DLGAP4: variants seen among roughly 807,000 people sequenced by gnomAD.
DLGAP4 encodes the protein DLG associated protein 4.
A neutral mutation model predicts 86.9 loss-of-function variants in DLGAP4; 18 were observed. The observed-to-expected ratio is 0.21, with a 90% CI of 0.14 to 0.31. DLGAP4 has a LOEUF of 0.31. DLGAP4 is among the 10% of genes least tolerant of loss of function. The probability of loss-of-function intolerance (pLI) is 1.00; values close to 1 mark genes in which losing one functional copy is unlikely to be tolerated. For missense variants in DLGAP4, 1,085 were observed against 1,362.6 expected (o/e 0.80, Z 3.21); for synonymous variants, 548 against 574.3 (o/e 0.95, Z 0.65).
chr20:36,398,155 G>A (rs2032054317), intron 2 of DLGAP4, among the ~76,000 whole-genome samples: 2 of 152,202 alleles, frequency 1.3e-5, no homozygotes, highest in South Asian at 2.1e-4. Context: ...GAAAAAACAC[G>A]TATTTGCTAA....
chr20:36,415,865 AG>A (rs2032638565), intron 2 of DLGAP4, among the ~76,000 whole-genome samples: 1 of 152,046 alleles, frequency 6.6e-6, no homozygotes, highest in South Asian at 2.1e-4. Context: ...GATGGAGGGG[AG>A]GGGCCAGCCA....
intron 1 of DLGAP4, among the ~76,000 whole-genome samples, chr20:36,356,576 G>A (rs560481601): frequency 1.3e-5 from 2 of 151,876 alleles, no homozygotes; most frequent in East Asian, 1.9e-4. Flanking sequence ...CTCCCAAAGT[G>A]CTGGGATTAC....
chr20:36,479,431 G>A (rs1250217769), intron 7 of DLGAP4, among the ~76,000 whole-genome samples: 1 of 152,124 alleles, frequency 6.6e-6, no homozygotes, highest in East Asian at 1.9e-4. Context: ...GAGGCTCAGG[G>A]TCTAAAGGAG....
At chr20:36,317,254 T>C (rs2065111954) in intron 1 of DLGAP4, among the ~76,000 whole-genome samples, 1 of 58,498 alleles carries the variant, frequency 1.7e-5, no homozygotes, top group Non-Finnish European at 3.0e-5. Context: ...TTTCTTTCTT[T>C]CTTTCTTTCT....
chr20:36,406,535 G>A (rs915443608), intron 2 of DLGAP4, among the ~76,000 whole-genome samples: 2 of 152,134 alleles, frequency 1.3e-5, no homozygotes, highest in African/African-American at 4.8e-5. Flanking sequence ...TGCGTGTCTT[G>A]GTCACAGGGC....
chr20:36,410,727 T>C (rs1288518781), intron 2 of DLGAP4, among the ~76,000 whole-genome samples: 1 of 152,082 alleles, frequency 6.6e-6, no homozygotes, highest in African/African-American at 2.4e-5. Context: ...ATGGGAATGG[T>C]GCTAAGCCAT....
chr20:36,411,280 C>T (rs6130861), intron 2 of DLGAP4, among the ~76,000 whole-genome samples: 17,338 of 152,190 alleles, frequency 0.11, 1,087 homozygotes, highest in East Asian at 0.2. Flanking sequence ...TGGGCCACCG[C>T]GCCTGGCCTT....
intron 2 of DLGAP4, among the ~76,000 whole-genome samples, chr20:36,408,015 A>T (rs1361940160): frequency 6.6e-6 from 1 of 151,936 alleles, no homozygotes; most frequent in East Asian, 1.9e-4. Flanking sequence ...GAAGTCTGGG[A>T]CATCAGAATG....
chr20:36,365,186 C>T (rs2030641887), intron 1 of DLGAP4, among the ~76,000 whole-genome samples: 1 of 152,226 alleles, frequency 6.6e-6, no homozygotes, highest in Non-Finnish European at 1.5e-5. Flanking sequence ...GAGGAGGCCT[C>T]GGGCCCCTAG....
intron 1 of DLGAP4, among the ~76,000 whole-genome samples, chr20:36,361,790 T>C (rs1555894239): frequency 6.6e-6 from 1 of 151,002 alleles, no homozygotes; most frequent in African/African-American, 2.4e-5. Context: ...CTGGACAACA[T>C]GGTGAAACCC....
At chr20:36,337,661 C>G (rs953737317) in intron 1 of DLGAP4, among the ~76,000 whole-genome samples, 4 of 152,176 alleles carry the variant, frequency 2.6e-5, no homozygotes, top group African/African-American at 9.7e-5. Context: ...GTCACAATAA[C>G]CCCTCCTCTG....
At chr20:36,429,688 T>C (rs2033078554) in intron 2 of DLGAP4, among the ~76,000 whole-genome samples, 1 of 152,196 alleles carries the variant, frequency 6.6e-6, no homozygotes, top group Non-Finnish European at 1.5e-5. Flanking sequence ...ATTACAGGTG[T>C]GAGCCACCAT....
At chr20:36,347,016 G>A (rs1186872897) in intron 1 of DLGAP4, among the ~76,000 whole-genome samples, 2 of 152,222 alleles carry the variant, frequency 1.3e-5, no homozygotes, top group Non-Finnish European at 2.9e-5. Context: ...AGTGTGTGGT[G>A]TGGGCATTTC....
chr20:36,410,734 C>G (rs995274330), intron 2 of DLGAP4, among the ~76,000 whole-genome samples: 6 of 152,086 alleles, frequency 3.9e-5, no homozygotes, highest in Non-Finnish European at 7.4e-5. Context: ...TGGTGCTAAG[C>G]CATTCTTGAG....
chr20:36,417,780 T>G lies in DLGAP4; in HGVS notation c.-72-13866T>G, dbSNP rs563697102. 8.7e-4 allele frequency among the ~76,000 whole-genome samples: 129 copies of G among 148,112 alleles called. 1 individual carries two copies. Among genetic ancestry groups the G allele is most frequent in the South Asian group, 4.6e-3 (20 of 4,354 alleles). On this transcript the variant is annotated intron_variant, in intron 2 of 12. Coordinates refer to ENST00000339266, the MANE Select transcript of DLGAP4 (RefSeq NM_001365621.2). ...GTTTGGTGGGTTTTTTTGGTTTTTTTTTTTTGTTGTTGTTGTTGTTTGAGA... is the reference window on the plus strand; with the variant it reads ...GTTTGGTGGGTTTTTTTGGTTTTTTGTTTTTGTTGTTGTTGTTGTTTGAGA...
intron 10 of DLGAP4, among the ~76,000 whole-genome samples, chr20:36,515,155 A>G (rs956328247): frequency 6.6e-6 from 1 of 152,196 alleles, no homozygotes; most frequent in African/African-American, 2.4e-5. Flanking sequence ...TGTCTGTATC[A>G]CACCACTTTC....
chr20:36,345,285 C>T (rs1281810144), intron 1 of DLGAP4, among the ~76,000 whole-genome samples: 1 of 152,146 alleles, frequency 6.6e-6, no homozygotes, highest in Non-Finnish European at 1.5e-5. Context: ...TTTTTTCCTT[C>T]CTCACAGGTG....
chr20:36,361,711 G>C (rs1442113369), intron 1 of DLGAP4, among the ~76,000 whole-genome samples: 1 of 151,968 alleles, frequency 6.6e-6, no homozygotes, highest in Non-Finnish European at 1.5e-5. Flanking sequence ...GGTGGCTCAT[G>C]CCTGTAATGC....
At chr20:36,508,411 G>A (rs562154319) in intron 10 of DLGAP4, 7 of 132,706 alleles carry the variant, frequency 5.3e-5, no homozygotes, top group Admixed American at 3.0e-4. Context: ...TCCTACTGAT[G>A]TTTCAGGGTT....
Sources: allele counts gnomAD v4.1 joint callset (sites outside exome capture counted in the v4.1 genomes callset), GRCh38; gene constraint gnomAD v4.1.1; transcripts MANE v1.5; gene names NCBI Gene and HGNC (gene_info 2026-07-23, HGNC 2026-07-21).